The following NR1H3 variants were observed in gnomAD, a reference collection of about 807,000 sequenced individuals.
NR1H3 encodes nuclear receptor subfamily 1 group H member 3.
A neutral mutation model predicts 48.1 loss-of-function variants in NR1H3; 19 were observed. The observed-to-expected ratio is 0.40, with a 90% CI of 0.28 to 0.58. NR1H3 has a LOEUF of 0.58. Among genes scored for constraint, NR1H3 ranks in the 20% least tolerant of loss-of-function variants. The probability of loss-of-function intolerance (pLI) is 0.50; values close to 1 mark genes in which losing one functional copy is unlikely to be tolerated. For synonymous variants in NR1H3, 232 were observed against 227.3 expected (o/e 1.02, Z -0.19); for missense variants, 486 against 595.9 (o/e 0.82, Z 1.92).
upstream of NR1H3, chr11:47,248,904 C>T (rs1470984249): frequency 4.5e-6 from 7 of 1,543,634 alleles, no homozygotes; most frequent in African/African-American, 5.5e-5. Flanking sequence ...CGCCATCTTA[C>T]TTAGGGACCT....
At chr11:47,255,711 G>T (rs1157238128), upstream of NR1H3, among the ~76,000 whole-genome samples, 1 of 147,238 alleles carries the variant, frequency 6.8e-6, no homozygotes, top group East Asian at 2.0e-4. Flanking sequence ...GTTGTTGCCC[G>T]GGCTGGAGGG....
intron 7 of NR1H3, among the ~76,000 whole-genome samples, chr11:47,267,514 C>CT (rs113681661): frequency 0.27 from 39,733 of 145,218 alleles, 6,311 homozygotes; most frequent in East Asian, 0.59. Context: ...CCTTGTAGAC[C>CT]TTTTTTTTTT....
upstream of NR1H3, among the ~76,000 whole-genome samples, chr11:47,255,688 T>C (rs1955104136): frequency 6.6e-6 from 1 of 150,708 alleles, no homozygotes; most frequent in Admixed American, 6.7e-5. Flanking sequence ...TTCTTTTTTT[T>C]TGGAGTTTTG....
chr11:47,257,542 C>T (rs549249555), upstream of NR1H3: 113 of 583,366 alleles, frequency 1.9e-4, no homozygotes, highest in Non-Finnish European at 2.3e-4. Context: ...TTCTTGGCCT[C>T]TTCCCAGAGG....
At chr11:47,257,677 G>A, upstream of NR1H3, 6 of 985,794 alleles carry the variant, frequency 6.1e-6, no homozygotes, top group Non-Finnish European at 7.2e-6. Flanking sequence ...GAGGCTGCTG[G>A]GATTGGGGTG....
chr11:47,253,132 T>G (rs1205204506), upstream of NR1H3, among the ~76,000 whole-genome samples: 1 of 146,768 alleles, frequency 6.8e-6, no homozygotes, highest in African/African-American at 2.6e-5. Context: ...CTAATTTTTG[T>G]GCGTGTGTGT....
At position 47,260,666 on chromosome 11, in the gene NR1H3, C is replaced by T. The variant is rs753126526; in HGVS notation, c.490C>T (p.Arg164Trp). ...RLRKCRQAGM[R>W]EECVLSEEQI... ...TCGCAAATGCCGTCAGGCTGGCATGCGGGAGGAGTGTGAGTTTCTGGGGCT... is the reference window on the plus strand; with the variant it reads ...TCGCAAATGCCGTCAGGCTGGCATGTGGGAGGAGTGTGAGTTTCTGGGGCT... Residue 164 changes from arginine (R) to tryptophan (W), a missense_variant, in exon 4 of 10, where the codon CGG becomes TGG. Transcript: ENST00000441012. 16 of 1,596,584 alleles carry T rather than the reference C, an allele frequency of 1.0e-5. No homozygotes were observed. The highest frequency in any genetic ancestry group is 4.0e-5 in the African/African-American group (3 of 74,792).
At chr11:47,261,020 G>A (rs1955789488) in intron 4 of NR1H3, among the ~76,000 whole-genome samples, 1 of 151,902 alleles carries the variant, frequency 6.6e-6, no homozygotes, top group African/African-American at 2.4e-5. Flanking sequence ...GGGAGGTGGA[G>A]GTTGCAGTGT....
intron 7 of NR1H3, among the ~76,000 whole-genome samples, chr11:47,262,621 T>A (rs1956030621): frequency 6.6e-6 from 1 of 151,940 alleles, no homozygotes; most frequent in Non-Finnish European, 1.5e-5. Flanking sequence ...TTCAAGCAAT[T>A]CTCCTGCTTC....
intron 7 of NR1H3, among the ~76,000 whole-genome samples, chr11:47,263,883 A>C (rs1238817396): frequency 6.6e-6 from 1 of 152,050 alleles, no homozygotes; most frequent in Non-Finnish European, 1.5e-5. Flanking sequence ...GATTACAGCC[A>C]TGAGCCACTT....
At position 47,260,580 on chromosome 11, in the gene NR1H3, A is replaced by C; in HGVS notation, c.404A>C (p.His135Pro). The change falls in exon 4 of 10, where the codon CAC (histidine) becomes CCC (proline). Residue 135 changes from histidine (H) to proline (P), a missense_variant. By Grantham distance (77) the His-to-Pro change is moderately conservative. Transcript: ENST00000441012. ...SVIKGAHYICHSGGHCPMDTY... is the reference protein window; with the variant it reads ...SVIKGAHYICPSGGHCPMDTY... ...ATCAAGGGAGCGCACTACATCTGCC[A>C]CAGTGGCGGCCACTGCCCCATGGAC... 6.2e-7 allele frequency: 1 copy of C among 1,614,162 alleles called. No homozygotes were observed. The highest frequency in any genetic ancestry group is 8.5e-7 in the Non-Finnish European group (1 of 1,180,044).
At chr11:47,268,097 G>A (rs986891405) in intron 8 of NR1H3, 71 bp downstream of exon 8, 25 of 1,302,064 alleles carry the variant, frequency 1.9e-5, no homozygotes, top group Middle Eastern at 2.1e-4. Context: ...CACAGGAATC[G>A]GTGGGGGGAG....
chr11:47,268,509 G>A (rs1731533558), intron 9 of NR1H3, 41 bp from the exon 10 acceptor site: 2 of 1,613,296 alleles, frequency 1.2e-6, no homozygotes, highest in Admixed American at 1.7e-5. Flanking sequence ...CGCTTCCCTG[G>A]GGACAGGCAA....
rs1391162267 is a variant in NR1H3 at position 47,260,689 on chromosome 11, G to A, written c.499+14G>A. The A allele has an allele frequency of 1.9e-6, 3 of 1,582,698 alleles. No individual in the cohort carries two copies. Among genetic ancestry groups the A allele is most frequent in the Non-Finnish European group, 1.7e-6 (2 of 1,169,920 alleles). On this transcript the variant is annotated intron_variant, in intron 4 of 9. Coordinates refer to ENST00000441012, the MANE Select transcript of NR1H3 (RefSeq NM_005693.4). The stretch of plus-strand genomic sequence containing the variant: ...TGCGGGAGGAGTGTGAGTTTCTGGG[G>A]CTGGAGTGGGGAAGAGGCTGAGGGG...
chr11:47,250,041 A>G (rs1357612223), intron 1 of NR1H3, among the ~76,000 whole-genome samples: 2 of 152,264 alleles, frequency 1.3e-5, no homozygotes, highest in African/African-American at 4.8e-5. Context: ...CGGAGGTTGC[A>G]GTGAGCTGAG....
chr11:47,265,285 T>C (rs887566366), intron 7 of NR1H3, among the ~76,000 whole-genome samples: 11 of 151,646 alleles, frequency 7.3e-5, no homozygotes, highest in African/African-American at 2.7e-4. Context: ...AGAGCAAGAC[T>C]CCATCTCAAA....
chr11:47,266,833 G>T (rs1471043697), intron 7 of NR1H3, among the ~76,000 whole-genome samples: 1 of 151,684 alleles, frequency 6.6e-6, no homozygotes, highest in Non-Finnish European at 1.5e-5. Context: ...GTGAGACAGG[G>T]TTTTGCCATG....
intron 7 of NR1H3, among the ~76,000 whole-genome samples, chr11:47,262,766 C>T (rs77532017): frequency 0.27 from 40,588 of 151,992 alleles, 6,862 homozygotes; most frequent in East Asian, 0.65. Flanking sequence ...GTGCCTCAGC[C>T]TCCCAAAATG....
In NR1H3 at chr11:47,267,938, C is replaced by T; in HGVS notation, c.1014C>T (p.Pro338=). The part of the protein sequence containing the change: ...KAGLQVEFIN[P]IFEFSRAMNE... ...GGCTGCAAGTGGAATTCATCAACCCCATCTTCGAGTTCTCCAGGGCCATGA... is the reference window on the plus strand; with the variant it reads ...GGCTGCAAGTGGAATTCATCAACCCTATCTTCGAGTTCTCCAGGGCCATGA... The change falls in exon 8 of 10, where the codon CCC becomes CCT. Residue 338 remains proline, a synonymous_variant. Coordinates refer to ENST00000441012, the MANE Select transcript of NR1H3 (RefSeq NM_005693.4). 6.2e-7 allele frequency: 1 copy of T among 1,614,086 alleles called. No individual in the cohort carries two copies.
Sources: allele counts gnomAD v4.1 joint callset (sites outside exome capture counted in the v4.1 genomes callset), GRCh38; gene constraint gnomAD v4.1.1; transcripts MANE v1.5; gene names NCBI Gene and HGNC (gene_info 2026-07-23, HGNC 2026-07-21).